The following SNRPA variants were observed in gnomAD, a reference collection of about 807,000 sequenced individuals.
SNRPA encodes the protein small nuclear ribonucleoprotein polypeptide A, also known as U1 small nuclear ribonucleoprotein A.
Under a neutral mutation model 24.5 loss-of-function variants are expected in SNRPA, and 10 were observed. The ratio of observed to expected loss-of-function variants is 0.41; its 90% CI spans 0.25 to 0.69. SNRPA has a LOEUF of 0.69. SNRPA is among the 30% of genes least tolerant of loss of function. The pLI, the probability that SNRPA is intolerant of heterozygous loss-of-function variation, is 0.33. For missense variants in SNRPA, 283 were observed against 394.7 expected (o/e 0.72, Z 2.40); for synonymous variants, 165 against 148.4 (o/e 1.11, Z -0.81).
chr19:40,756,732 T>A (rs771679224), intron 1 of SNRPA, among the ~76,000 whole-genome samples: 8 of 151,818 alleles, frequency 5.3e-5, no homozygotes, highest in Non-Finnish European at 1.2e-4. Context: ...GAAATAGTCA[T>A]GAAAGAAAAG....
At chr19:40,753,085 T>C (rs904777643) in intron 1 of SNRPA, among the ~76,000 whole-genome samples, 15 of 152,186 alleles carry the variant, frequency 9.9e-5, no homozygotes, top group Non-Finnish European at 1.9e-4. Flanking sequence ...AGCCGGGCAC[T>C]GGCTCACGCC....
At chr19:40,764,387 C>T (rs192833295) in intron 5 of SNRPA, among the ~76,000 whole-genome samples, 1 of 152,240 alleles carries the variant, frequency 6.6e-6, no homozygotes, top group Admixed American at 6.5e-5. Context: ...AAAAACAATA[C>T]CACATGTGCA....
In SNRPA at chr19:40,751,329, G is replaced by C; in HGVS notation, c.-80G>C. On this transcript the variant is annotated 5_prime_UTR_variant, in exon 1 of 6. Transcript: ENST00000243563. ...GGAGGAAGATCCTTGAGCAGCCGAC[G>C]TTGGGACAAAGGATTTGGAGAAACC... 2.7e-6 allele frequency: 3 copies of C among 1,101,780 alleles called. No individual in the cohort carries two copies. Among genetic ancestry groups the C allele is most frequent in the Non-Finnish European group, 4.2e-6 (3 of 713,640 alleles). 68.3% of individuals were successfully genotyped at this position (1,101,780 alleles called of 1,614,324 possible). A position where few individuals can be genotyped will look rare whatever the true frequency, so the allele number is the denominator to read the frequency against.
At chr19:40,763,541 TG>T in intron 4 of SNRPA, 45 bp from the exon 5 acceptor site, 1 of 1,481,696 alleles carries the variant, frequency 6.7e-7, no homozygotes, top group Non-Finnish European at 9.4e-7. Context: ...GGTCTCCCAC[TG>T]GACTCAGGGC....
intron 3 of SNRPA, 139 bp downstream of exon 3, chr19:40,759,749 T>TCA: frequency 1.4e-6 from 1 of 718,560 alleles, no homozygotes; most frequent in Non-Finnish European, 2.2e-6. Flanking sequence ...GAGATGTGTT[T>TCA]CTCTCTCTCT....
At chr19:40,753,360 A>T (rs1385380178) in intron 1 of SNRPA, among the ~76,000 whole-genome samples, 3 of 147,722 alleles carry the variant, frequency 2.0e-5, no homozygotes, top group Non-Finnish European at 4.5e-5. Context: ...AAAAAAAAAA[A>T]TCAGGAGTGT....
chr19:40,759,662 A>T (rs577616413), intron 3 of SNRPA, 52 bp downstream of exon 3: 1 of 1,517,392 alleles, frequency 6.6e-7, no homozygotes, highest in Non-Finnish European at 8.9e-7. Flanking sequence ...TTCCTCAGCC[A>T]CATGGACTGG....
chr19:40,760,016 T>C (rs1386629050), intron 3 of SNRPA, among the ~76,000 whole-genome samples: 1 of 152,068 alleles, frequency 6.6e-6, no homozygotes, highest in African/African-American at 2.4e-5. Flanking sequence ...GGAAAAAAAT[T>C]AGTTTTATTT....
At chr19:40,763,497 C>A in intron 4 of SNRPA, 90 bp from the exon 5 acceptor site, 1 of 988,390 alleles carries the variant, frequency 1.0e-6, no homozygotes, top group South Asian at 1.3e-5. Context: ...TGAATTCAAG[C>A]AGGGTGAGGG....
At position 40,757,401 on chromosome 19, in the gene SNRPA, G is replaced by A. The variant is rs1436115689; in HGVS notation, c.143G>A (p.Ser48Asn). The A allele has an allele frequency of 1.2e-6, 2 of 1,614,000 alleles. No homozygotes were observed. The highest frequency in any genetic ancestry group is 1.7e-6 in the Non-Finnish European group (2 of 1,179,994). ...GQILDILVSR[S>N]LKMRGQAFVI... ...ATCCTGGATATCCTGGTATCACGGA[G>A]CCTGAAGATGAGGGGCCAGGCCTTT... The change falls in exon 2 of 6, where the codon AGC becomes AAC. Residue 48 changes from serine to asparagine, a missense_variant. This residue lies in a region of SNRPA where 18 missense variants were observed against 18.9 expected (regional missense o/e 0.95). Coordinates refer to ENST00000243563, the MANE Select transcript of SNRPA (RefSeq NM_004596.5).
chr19:40,758,317 G>T (rs1383011837), intron 2 of SNRPA, among the ~76,000 whole-genome samples: 1 of 152,116 alleles, frequency 6.6e-6, no homozygotes, highest in African/African-American at 2.4e-5. Flanking sequence ...TGAAAGAGGG[G>T]TTTTTGTCTA....
chr19:40,759,654 C>T (rs1233904686), intron 3 of SNRPA, 44 bp downstream of exon 3: 2 of 1,542,914 alleles, frequency 1.3e-6, no homozygotes, highest in African/African-American at 1.4e-5. Context: ...GCCAGACCTT[C>T]CTCAGCCACA....
At chr19:40,759,204 CA>C (rs77152560) in intron 2 of SNRPA, among the ~76,000 whole-genome samples, 3,691 of 93,142 alleles carry the variant, frequency 0.04, 52 homozygotes, top group African/African-American at 0.055. Context: ...GACAATGTCT[CA>C]AAAAAAAAAA....
chr19:40,764,223 G>A (rs1301211158), intron 5 of SNRPA, among the ~76,000 whole-genome samples: 2 of 152,126 alleles, frequency 1.3e-5, no homozygotes, highest in African/African-American at 4.8e-5. Flanking sequence ...TGGGGCATTC[G>A]TCAGTGTTTG....
intron 3 of SNRPA, among the ~76,000 whole-genome samples, chr19:40,760,213 G>A (rs920363630): frequency 2.0e-5 from 3 of 151,966 alleles, no homozygotes; most frequent in Non-Finnish European, 2.9e-5. Context: ...TGTAGAGACG[G>A]GGCTTAGCCA....
At chr19:40,756,048 G>A (rs547779471) in intron 1 of SNRPA, among the ~76,000 whole-genome samples, 8 of 152,180 alleles carry the variant, frequency 5.3e-5, no homozygotes, top group Admixed American at 4.6e-4. Flanking sequence ...CAAGGCAGGA[G>A]GATCACTGGA....
Position 40,751,386 on chromosome 19 carries a change from G to T in SNRPA, c.-23G>T, listed in dbSNP as rs1436855211. The stretch of plus-strand genomic sequence containing the variant: ...TAAAGTCACGTTTTTCCTCCTTTAA[G>T]ACTTACCTCAACACTTCACTCCATG... On this transcript the variant is annotated 5_prime_UTR_variant, in exon 1 of 6. Transcript: ENST00000243563. 19 of 1,592,240 alleles carry T rather than the reference G, an allele frequency of 1.2e-5. No homozygotes were observed. Among genetic ancestry groups the T allele is most frequent in the Non-Finnish European group, 1.5e-5 (17 of 1,160,264 alleles).
At position 40,759,478 on chromosome 19, in the gene SNRPA, A is replaced by G. The variant is rs926944470; in HGVS notation, c.294A>G (p.Lys98=). 4 of 1,613,674 alleles carry G rather than the reference A, an allele frequency of 2.5e-6. No individual in the cohort carries two copies. In the African/African-American group the frequency reaches 5.3e-5, roughly 22 times the overall value. ...KTDSDIIAKM[K]GTFVERDRKR... is the part of the protein sequence containing the mutation. Reference sequence around the variant, plus strand: ...ACTCAGATATCATTGCCAAGATGAAAGGCACCTTCGTGGAGCGGGACCGCA... The same window carrying G: ...ACTCAGATATCATTGCCAAGATGAAGGGCACCTTCGTGGAGCGGGACCGCA... The change falls in exon 3 of 6, where the codon AAA becomes AAG. Residue 98 remains lysine, a synonymous_variant. Transcript: ENST00000243563.
Position 40,751,203 on chromosome 19 carries a change from C to G in SNRPA, c.-206C>G. 1 of 591,542 alleles carries G rather than the reference C, an allele frequency of 1.7e-6. No homozygotes were observed. The highest frequency in any genetic ancestry group is 2.8e-5 in the East Asian group (1 of 35,634). The allele number at this position is 591,542 out of a possible 1,614,324, so 36.6% of individuals were successfully genotyped here. On this transcript the variant is annotated 5_prime_UTR_variant, in exon 1 of 6. Coordinates refer to ENST00000243563, the MANE Select transcript of SNRPA (RefSeq NM_004596.5). Reference sequence around the variant, plus strand: ...AGTCGTAGTAAATCTCTCGAGAGTTCTCTCCGCACGCGGGCTGGAGAAGCG... The same window carrying G: ...AGTCGTAGTAAATCTCTCGAGAGTTGTCTCCGCACGCGGGCTGGAGAAGCG...
Sources: allele counts gnomAD v4.1 joint callset (sites outside exome capture counted in the v4.1 genomes callset), GRCh38; gene constraint gnomAD v4.1.1; regional missense constraint gnomAD v4.1.1; transcripts MANE v1.5; gene names NCBI Gene and HGNC (gene_info 2026-07-23, HGNC 2026-07-21).